ADGRD1: variants seen among roughly 807,000 people sequenced by gnomAD.
ADGRD1 encodes the protein adhesion G protein-coupled receptor D1.
ADGRD1 carries 77 observed loss-of-function variants against 113.4 expected under a neutral mutation model. That is an observed-to-expected ratio of 0.68 (90% CI 0.57 to 0.82). The LOEUF (loss-of-function observed/expected upper bound fraction) is 0.82. Ranked by LOEUF, ADGRD1 falls within the 40% of genes least tolerant of loss-of-function variation. The pLI is 0.00. For missense variants in ADGRD1, 1,036 were observed against 1,139.1 expected, an observed-to-expected ratio of 0.91 and a Z score of 1.30; for synonymous variants, 474 against 475.0, an observed-to-expected ratio of 1.00 and a Z score of 0.03.
intron 13 of ADGRD1, among the ~76,000 whole-genome samples, chr12:131,053,362 C>A (rs547727058): frequency 1.8e-4 from 27 of 152,330 alleles, no homozygotes; most frequent in Middle Eastern, 3.4e-3. Context: ...CTTGGAAACC[C>A]GTCTTCATTC....
At chr12:131,010,169 A>T (rs187541952) in intron 12 of ADGRD1, among the ~76,000 whole-genome samples, 2 of 152,284 alleles carry the variant, frequency 1.3e-5, no homozygotes, top group Admixed American at 1.3e-4. Flanking sequence ...ATCACCCAAG[A>T]TCACACTCAG....
In ADGRD1 at chr12:130,982,070, G is replaced by A; in HGVS notation, c.490+7G>A. On this transcript the variant is annotated splice_region_variant and intron_variant, in intron 5 of 24. Coordinates refer to ENST00000261654, the MANE Select transcript of ADGRD1 (RefSeq NM_198827.5). ...GCCTCCTTCAGCCCCCCAGGTGAGT[G>A]ACAGCATCGGTCCCGGGAGGCTCTG... 6.2e-7 allele frequency: 1 copy of A among 1,611,552 alleles called. No homozygotes were observed. Among genetic ancestry groups the A allele is most frequent in the Non-Finnish European group, 8.5e-7 (1 of 1,178,608 alleles).
intron 13 of ADGRD1, among the ~76,000 whole-genome samples, chr12:131,048,439 C>A (rs1026074523): frequency 6.6e-6 from 1 of 152,192 alleles, no homozygotes; most frequent in East Asian, 1.9e-4. Flanking sequence ...AGCTGTGGGG[C>A]GGCCCAGATG....
In ADGRD1 at chr12:130,992,746, C is replaced by T. The variant is rs889957439; in HGVS notation, c.966+354C>T. ...ACAGGTAAAAGGTGGAGAGGCCTCA[C>T]TGGCAGATCCAGCCGTGGGGCGTGG... On this transcript the variant is annotated intron_variant, in intron 8 of 24. Transcript: ENST00000261654. 2.0e-5 allele frequency among the ~76,000 whole-genome samples: 3 copies of T among 152,268 alleles called. No homozygotes were observed. The East Asian group carries it at 5.8e-4, about 29-fold the overall frequency.
intron 13 of ADGRD1, among the ~76,000 whole-genome samples, chr12:131,056,071 G>A (rs1883837847): frequency 6.6e-6 from 1 of 152,120 alleles, no homozygotes; most frequent in South Asian, 2.1e-4. Flanking sequence ...AACCTATGAT[G>A]GAAATTTTCC....
chr12:130,982,090 G>C, intron 5 of ADGRD1, 27 bp downstream of exon 5: 1 of 1,597,938 alleles, frequency 6.3e-7, no homozygotes, highest in Non-Finnish European at 8.6e-7. Flanking sequence ...GTCCCGGGAG[G>C]CTCTGCCTGG....
intron 13 of ADGRD1, among the ~76,000 whole-genome samples, chr12:131,039,595 G>C (rs1474555798): frequency 6.6e-6 from 1 of 152,204 alleles, no homozygotes; most frequent in African/African-American, 2.4e-5. Flanking sequence ...CTCTGAGGGG[G>C]TCACTTGTTT....
At chr12:131,010,858 G>A (rs779691037) in intron 12 of ADGRD1, among the ~76,000 whole-genome samples, 7 of 152,152 alleles carry the variant, frequency 4.6e-5, no homozygotes, top group African/African-American at 4.8e-5. Flanking sequence ...GGCTTTCCCC[G>A]GGCAGAGATG....
chr12:131,040,111 C>T (rs1056906647), intron 13 of ADGRD1, among the ~76,000 whole-genome samples: 1 of 152,174 alleles, frequency 6.6e-6, no homozygotes, highest in African/African-American at 2.4e-5. Context: ...CATGAACTGG[C>T]TCCTGCTCCC....
chr12:130,959,290 G>C (rs913720942), intron 2 of ADGRD1, among the ~76,000 whole-genome samples: 1 of 152,202 alleles, frequency 6.6e-6, no homozygotes, highest in African/African-American at 2.4e-5. Context: ...AATATTTGTT[G>C]GGCTGGCGCA....
intron 13 of ADGRD1, among the ~76,000 whole-genome samples, chr12:131,028,918 G>A (rs973848481): frequency 2.6e-5 from 4 of 152,158 alleles, no homozygotes; most frequent in African/African-American, 4.8e-5. Flanking sequence ...AATTTGATGC[G>A]CGTCGTGAAA....
At chr12:130,997,034 A>G (rs1875555927) in intron 8 of ADGRD1, among the ~76,000 whole-genome samples, 1 of 120,084 alleles carries the variant, frequency 8.3e-6, no homozygotes, top group African/African-American at 3.3e-5. Flanking sequence ...TCCCTCCCGG[A>G]CGGGGCGGCT....
intron 20 of ADGRD1, among the ~76,000 whole-genome samples, chr12:131,124,765 C>T (rs1950703236): frequency 6.6e-6 from 1 of 152,112 alleles, no homozygotes; most frequent in Non-Finnish European, 1.5e-5. Flanking sequence ...GCCCACTGCC[C>T]CTTCTCGAAT....
intron 13 of ADGRD1, chr12:131,069,148 T>C (rs1884959209): frequency 6.6e-6 from 1 of 152,160 alleles, no homozygotes; most frequent in Non-Finnish European, 1.5e-5. Flanking sequence ...AGCAGGCCCA[T>C]CCTCCATCTC....
chr12:131,050,419 A>C lies in ADGRD1; in HGVS notation c.1474-26382A>C, dbSNP rs1206580689. On this transcript the variant is annotated intron_variant, in intron 13 of 24. Coordinates refer to ENST00000261654, the MANE Select transcript of ADGRD1 (RefSeq NM_198827.5). The surrounding 1 kb of genome is among the most constrained non-coding windows in gnomAD (Gnocchi z 4.8). ...TGTGTGTTAGTCTGTTCATTGCTAT[A>C]AGAAATACCTGAGGCTGGGTAATTT... Among the ~76,000 whole-genome samples, 1 of 152,098 alleles carries C rather than the reference A, an allele frequency of 6.6e-6. No homozygotes were observed. The highest frequency in any genetic ancestry group is 1.5e-5 in the Non-Finnish European group (1 of 68,030).
At chr12:131,115,445 G>C (rs962104013) in intron 18 of ADGRD1, among the ~76,000 whole-genome samples, 3 of 152,224 alleles carry the variant, frequency 2.0e-5, no homozygotes, top group African/African-American at 7.2e-5. Context: ...GGTGGCACCA[G>C]TGACTTCCAC....
chr12:131,100,912 C>T lies in ADGRD1; in HGVS notation c.1672-3919C>T, dbSNP rs1341103940. ...AATCAGTGATGTAGATTTAGGAAAT[C>T]TGTCTGTTGAATCAGTGGCAGAGTC... On this transcript the variant is annotated intron_variant, in intron 15 of 24. Transcript: ENST00000261654. Among the ~76,000 whole-genome samples the T allele has an allele frequency of 2.0e-5, 3 of 152,216 alleles. No homozygotes were observed. The East Asian group carries it at 5.8e-4, about 29-fold the overall frequency.
chr12:131,065,652 G>T (rs1280474746), intron 13 of ADGRD1, among the ~76,000 whole-genome samples: 1 of 152,200 alleles, frequency 6.6e-6, no homozygotes, highest in Non-Finnish European at 1.5e-5. Context: ...TGTGATGGGA[G>T]GGAGGGGGTC....
rs1369724206 is a variant in ADGRD1, at chr12:131,113,634, G to C, written c.2042-4751G>C. 2.0e-5 allele frequency among the ~76,000 whole-genome samples: 3 copies of C among 152,190 alleles called. No individual in the cohort carries two copies. Among genetic ancestry groups the C allele is most frequent in the African/African-American group, 7.2e-5 (3 of 41,450 alleles). Reference sequence around the variant, plus strand: ...ATTGTGCTCCCCTCGTGGCTCCCTGGGGAGACTGAAGAGGCCACTTGGGCA... The same window carrying C: ...ATTGTGCTCCCCTCGTGGCTCCCTGCGGAGACTGAAGAGGCCACTTGGGCA... On this transcript the variant is annotated intron_variant, in intron 18 of 24. Coordinates refer to ENST00000261654, the MANE Select transcript of ADGRD1 (RefSeq NM_198827.5). This position sits in a 1 kb window ranked among gnomAD's most constrained non-coding sequence, Gnocchi z 4.9.
Sources: allele counts gnomAD v4.1 joint callset (sites outside exome capture counted in the v4.1 genomes callset), GRCh38; gene constraint gnomAD v4.1.1; non-coding constraint Gnocchi (gnomAD v3.1); transcripts MANE v1.5; gene names NCBI Gene and HGNC (gene_info 2026-07-23, HGNC 2026-07-21).